The following STARD9 variants were observed in gnomAD, a reference collection of about 807,000 sequenced individuals.
STARD9 encodes stAR-related lipid transfer protein 9.
A neutral mutation model predicts 399.8 loss-of-function variants in STARD9; 346 were observed. The ratio of observed to expected loss-of-function variants is 0.87; its 90% CI spans 0.79 to 0.95. The LOEUF (loss-of-function observed/expected upper bound fraction) is 0.95. Among genes scored for constraint, STARD9 ranks in the 40% least tolerant of loss-of-function variants. The probability of loss-of-function intolerance (pLI) is 0.00; values close to 1 mark genes in which losing one functional copy is unlikely to be tolerated. For missense variants in STARD9, 5,832 were observed against 5,667.5 expected, an observed-to-expected ratio of 1.03 and a Z score of -0.93; for synonymous variants, 2,203 against 2,143.5, an observed-to-expected ratio of 1.03 and a Z score of -0.77.
Position 42,694,246 on chromosome 15 carries a change from A to G in STARD9, c.12668A>G (p.Glu4223Gly). Residue 4223 changes from glutamate to glycine, a missense_variant, in exon 23 of 33, where the codon GAG (glutamate) becomes GGG (glycine). Transcript: ENST00000290607. ...TEAKLHHGFG[E>G]ADALLQVLQS... ...GCGAAACTGCACCATGGCTTTGGGGAGGCCGATGCCCTGCTCCAGGTGCTG... is the reference window on the plus strand; with the variant it reads ...GCGAAACTGCACCATGGCTTTGGGGGGGCCGATGCCCTGCTCCAGGTGCTG... 1.3e-6 allele frequency: 2 copies of G among 1,531,654 alleles called. No homozygotes were observed. Among genetic ancestry groups the G allele is most frequent in the East Asian group, 2.4e-5 (1 of 40,852 alleles). 94.9% of individuals were successfully genotyped at this position (1,531,654 alleles called of 1,614,324 possible).
At position 42,684,625 on chromosome 15, in the gene STARD9, G is replaced by T. The variant is rs2060506277; in HGVS notation, c.3047G>T (p.Arg1016Met). 6.5e-7 allele frequency: 1 copy of T among 1,537,068 alleles called. No individual in the cohort carries two copies. The highest frequency in any genetic ancestry group is 1.4e-5 in the African/African-American group (1 of 73,032). The change falls in exon 23 of 33, where the codon AGG becomes ATG. Residue 1016 changes from arginine to methionine, a missense_variant. Arg to Met is a moderately conservative substitution (Grantham distance 91). This residue lies in a region of STARD9 where 5,828 missense variants were observed against 5,651.1 expected (regional missense o/e 1.03). Transcript: ENST00000290607. ...SCNSLYPHGP[R>M]QTAGHGKAVK... is the part of the protein sequence containing the mutation. ...AATTCCTTGTATCCTCATGGACCCA[G>T]GCAGACTGCTGGGCACGGAAAGGCA...
rs535408234 is a variant in STARD9 at position 42,674,828 on chromosome 15, C to T, written c.1551C>T (p.Val517=). 4.6e-6 allele frequency: 7 copies of T among 1,528,170 alleles called. No individual in the cohort carries two copies. The highest frequency in any genetic ancestry group is 5.2e-6 in the Non-Finnish European group (6 of 1,143,038). The allele number at this position is 1,528,170 out of a possible 1,614,324, so 94.7% of individuals were successfully genotyped here. Residue 517 remains valine (V), a splice_region_variant and synonymous_variant, in exon 18 of 33, where the codon GTC becomes GTT. Transcript: ENST00000290607. ...AAGTGACCACCACCTCTTTTGTAGT[C>T]CTGCAGGGTCAGTGGATTGAGAGAG... The part of the protein sequence containing the change: ...RIDSDQEQDI[V]LQGQWIERDH...
At position 42,586,626 on chromosome 15, in the gene STARD9, T is replaced by G. The variant is rs565158290; in HGVS notation, c.234+989T>G. On this transcript the variant is annotated intron_variant, in intron 3 of 32. Transcript: ENST00000290607. ...AGGGTACTTTGCAAAAGTCCAAACCTAAAATTGGAAAAGCCATTTACTTGG... is the reference window on the plus strand; with the variant it reads ...AGGGTACTTTGCAAAAGTCCAAACCGAAAATTGGAAAAGCCATTTACTTGG... 5.3e-5 allele frequency among the ~76,000 whole-genome samples: 8 copies of G among 152,240 alleles called. 1 individual carries two copies. The South Asian group carries it at 1.7e-3, about 32-fold the overall frequency.
chr15:42,601,331 C>T (rs879961493), intron 3 of STARD9, among the ~76,000 whole-genome samples: 6 of 152,156 alleles, frequency 3.9e-5, no homozygotes, highest in African/African-American at 9.7e-5. Flanking sequence ...CTTTTCTATT[C>T]GACAAAACCG....
intron 4 of STARD9, among the ~76,000 whole-genome samples, chr15:42,635,452 C>T (rs925229507): frequency 6.6e-6 from 1 of 151,970 alleles, no homozygotes; most frequent in African/African-American, 2.4e-5. Flanking sequence ...GCCTCAGCCT[C>T]CAGAGTAGCT....
chr15:42,687,819 G>T lies in STARD9; in HGVS notation c.6241G>T (p.Asp2081Tyr). 6.5e-7 allele frequency: 1 copy of T among 1,537,488 alleles called. No individual in the cohort carries two copies. The highest frequency in any genetic ancestry group is 8.7e-7 in the Non-Finnish European group (1 of 1,147,016). ...TCATGCTTCCCACACACCAGGAACC[G>T]ATAAGGAGTTGGTGTTCCAGGACCA... ...QVHASHTPGT[D>Y]KELVFQDQKE... The change falls in exon 23 of 33, where the codon GAT (aspartate) becomes TAT (tyrosine). Residue 2081 changes from aspartate (D) to tyrosine (Y), a missense_variant. Asp to Tyr is a radical substitution (Grantham distance 160, BLOSUM62 -3). Transcript: ENST00000290607.
chr15:42,695,417 G>A (rs979218506), intron 25 of STARD9, 94 bp downstream of exon 25: 27 of 1,221,096 alleles, frequency 2.2e-5, no homozygotes, highest in Non-Finnish European at 2.7e-5. Context: ...TGGGACATAC[G>A]TAACATTTGG....
intron 3 of STARD9, among the ~76,000 whole-genome samples, chr15:42,610,695 C>G (rs916915957): frequency 6.6e-6 from 1 of 152,210 alleles, no homozygotes; most frequent in South Asian, 2.1e-4. Flanking sequence ...TACAGGCACC[C>G]GCCACCACGC....
At chr15:42,601,842 CTTTAT>C (rs1160676257) in intron 3 of STARD9, among the ~76,000 whole-genome samples, 1 of 152,112 alleles carries the variant, frequency 6.6e-6, no homozygotes, top group East Asian at 1.9e-4. Flanking sequence ...GCCTATTTTA[CTTTAT>C]TTTATTTATT....
In STARD9 at chr15:42,685,379, C is replaced by T. The variant is rs1220169527; in HGVS notation, c.3801C>T (p.Ala1267=). 23 of 1,536,806 alleles carry T rather than the reference C, an allele frequency of 1.5e-5. No homozygotes were observed. Among genetic ancestry groups the T allele is most frequent in the Admixed American group, 3.9e-5 (2 of 50,972 alleles). ...INYRTAARLD[A]VLPMSSSFYL... ...ACAGAACAGCAGCTAGGCTGGATGC[C>T]GTCCTGCCAATGAGCAGTTCGTTTT... is the stretch of plus-strand genomic sequence containing the variant. The change falls in exon 23 of 33, where the codon GCC becomes GCT. Residue 1267 remains alanine, a synonymous_variant. Transcript: ENST00000290607.
intron 26 of STARD9, among the ~76,000 whole-genome samples, chr15:42,714,372 A>G (rs993343022): frequency 1.3e-5 from 2 of 152,086 alleles, no homozygotes; most frequent in African/African-American, 4.8e-5. Flanking sequence ...GGCCTGTACT[A>G]AGATGTTTTA....
chr15:42,627,335 A>AT (rs1190293622), intron 3 of STARD9, among the ~76,000 whole-genome samples: 1 of 152,142 alleles, frequency 6.6e-6, no homozygotes, highest in Non-Finnish European at 1.5e-5. Flanking sequence ...GTAGGTATAT[A>AT]TATTTATGAG....
In STARD9 at chr15:42,712,066, A is replaced by T. The variant is rs1323325325; in HGVS notation, c.13285-4611A>T. 8.6e-4 allele frequency among the ~76,000 whole-genome samples: 38 copies of T among 44,374 alleles called. 1 individual carries two copies. The highest frequency in any genetic ancestry group is 8.0e-3 in the African/African-American group (27 of 3,370). The allele number at this position is 44,374 out of a possible 152,430, so 29.1% of individuals were successfully genotyped here. On this transcript the variant is annotated intron_variant, in intron 26 of 32. Transcript: ENST00000290607. ...GGCTAATGGTGTTGAGCATCTTTTT[A>T]TATATATATATATATTATATATATA...
Position 42,580,137 on chromosome 15 carries a change from G to A in STARD9, c.48-3209G>A, listed in dbSNP as rs140917325. Among the ~76,000 whole-genome samples the A allele has an allele frequency of 4.8e-3, 735 of 152,332 alleles. 4 individuals carry two copies. The highest frequency in any genetic ancestry group is 0.034 in the Middle Eastern group (10 of 294). On this transcript the variant is annotated intron_variant, in intron 1 of 32. Transcript: ENST00000290607. Reference sequence around the variant, plus strand: ...GTGCTAAGTAAAAGAATGGGAAGATGAACTATAATACCAAAGACAGAAGAC... The same window carrying A: ...GTGCTAAGTAAAAGAATGGGAAGATAAACTATAATACCAAAGACAGAAGAC...
At chr15:42,708,879 T>C (rs1263998041) in intron 26 of STARD9, among the ~76,000 whole-genome samples, 2 of 152,292 alleles carry the variant, frequency 1.3e-5, no homozygotes, top group South Asian at 2.1e-4. Context: ...CTTCTGAAGG[T>C]TGACAGATTA....
Position 42,661,620 on chromosome 15 carries a change from C to CTTTCTTTT in STARD9, c.770+402_770+403insTTTTCTTT, listed in dbSNP as rs1214443226. Among the ~76,000 whole-genome samples the CTTTCTTTT allele has an allele frequency of 1.1e-4, 17 of 152,046 alleles. 1 individual carries two copies. Among genetic ancestry groups the CTTTCTTTT allele is most frequent in the African/African-American group, 3.9e-4 (16 of 41,484 alleles). On this transcript the variant is annotated intron_variant, in intron 10 of 32. Transcript: ENST00000290607. ...ACACCACATCTGGCTTTCTTTCTTT[C>CTTTCTTTT]TTTCTTTCTTTTTTTTAATGGAGAC...
Position 42,685,795 on chromosome 15 carries a change from T to C in STARD9, c.4217T>C (p.Leu1406Pro). 6.5e-7 allele frequency: 1 copy of C among 1,537,290 alleles called. No individual in the cohort carries two copies. Among genetic ancestry groups the C allele is most frequent in the South Asian group, 1.2e-5 (1 of 84,064 alleles). The change falls in exon 23 of 33, where the codon CTC becomes CCC. Residue 1406 changes from leucine to proline, a missense_variant. Physicochemically the swap from Leu to Pro is moderately conservative, Grantham distance 98 (BLOSUM62 -3). Coordinates refer to ENST00000290607, the MANE Select transcript of STARD9 (RefSeq NM_020759.3). ...SKLHQGSTEL[L>P]CSARDEHTAS... ...CTGCACCAAGGCAGTACTGAGCTCC[T>C]CTGCAGTGCAAGAGATGAGCACACA...
intron 7 of STARD9, among the ~76,000 whole-genome samples, chr15:42,647,098 CAG>C (rs962680830): frequency 9.2e-5 from 14 of 152,130 alleles, no homozygotes; most frequent in African/African-American, 3.4e-4. Context: ...ATCATCATAA[CAG>C]ATATAATAAT....
chr15:42,580,520 TA>T (rs200346352), intron 1 of STARD9, among the ~76,000 whole-genome samples: 1 of 149,974 alleles, frequency 6.7e-6, no homozygotes, highest in African/African-American at 2.4e-5. Flanking sequence ...TGGCTCTCAA[TA>T]AAAAAAAACA....
Sources: gnomAD v4.1 joint callset for allele counts (sites outside exome capture counted in the v4.1 genomes callset) on GRCh38, gnomAD v4.1.1 for gene constraint, gnomAD v4.1.1 regional missense constraint, MANE v1.5 for transcripts, NCBI Gene and HGNC (gene_info 2026-07-23, HGNC 2026-07-21) for gene names.